TMPRSS13: variants seen among roughly 807,000 people sequenced by gnomAD.
TMPRSS13 encodes transmembrane protease serine 13.
In TMPRSS13, 50 loss-of-function variants were observed where a neutral mutation model predicts 68.4. The observed-to-expected ratio is 0.73, with a 90% confidence interval of 0.58 to 0.93. TMPRSS13 has a LOEUF of 0.93. TMPRSS13 is among the 40% of genes least tolerant of loss of function. The pLI is 0.00. For missense variants in TMPRSS13, 615 were observed against 729.2 expected (o/e 0.84, Z 1.80); for synonymous variants, 267 against 285.8 (o/e 0.93, Z 0.66).
Position 117,914,447 on chromosome 11 carries a change from A to G in TMPRSS13, c.624T>C (p.Ala208=). 2 of 1,614,072 alleles carry G rather than the reference A, an allele frequency of 1.2e-6. No individual in the cohort carries two copies. Among genetic ancestry groups the G allele is most frequent in the Non-Finnish European group, 1.7e-6 (2 of 1,180,006 alleles). The change falls in exon 4 of 13, where the codon GCT becomes GCC. Residue 208 remains alanine (A), a synonymous_variant. Transcript: ENST00000524993. The surrounding 1 kb of genome is among the most constrained non-coding windows in gnomAD (Gnocchi z 4.2). The part of the protein sequence containing the change: ...KEQRESCPKH[A]VRCDGVVDCK... ...AGTCCACCACCCCGTCACAGCGAAC[A>G]GCGTGCTTGGGACAGCTCTCCCTCT... is the stretch of plus-strand genomic sequence containing the variant.
In TMPRSS13 at chr11:117,901,240, ATC is replaced by A. The variant is rs1303288376; in HGVS notation, c.*997_*998del. ...CCCTGGGAGCCTACGCGGGAACAGCATCTGTTTCTTAACGCCTTCGTCAGAGC... is the reference window on the plus strand; with the variant it reads ...CCCTGGGAGCCTACGCGGGAACAGCATGTTTCTTAACGCCTTCGTCAGAGC... On this transcript the variant is annotated 3_prime_UTR_variant, in exon 13 of 13. Coordinates refer to ENST00000524993, the MANE Select transcript of TMPRSS13 (RefSeq NM_001077263.3). The A allele has an allele frequency of 6.6e-6, 1 of 152,652 alleles. No homozygotes were observed. The highest frequency in any genetic ancestry group is 1.5e-5 in the Non-Finnish European group (1 of 68,038). The allele number at this position is 152,652 out of a possible 1,614,324, so 9.5% of individuals were successfully genotyped here. A position where few individuals can be genotyped will look rare whatever the true frequency, so the allele number is the denominator to read the frequency against.
At chr11:117,904,196 A>G in intron 10 of TMPRSS13, 95 bp from the exon 11 acceptor site, 1 of 1,475,904 alleles carries the variant, frequency 6.8e-7, no homozygotes, top group Non-Finnish European at 9.1e-7. Flanking sequence ...AAGACCCAGA[A>G]TCACAGCCTC....
In TMPRSS13 at chr11:117,914,725, G is replaced by C. The variant is rs1204992821; in HGVS notation, c.557-211C>G. On this transcript the variant is annotated intron_variant, in intron 3 of 12. Coordinates refer to ENST00000524993, the MANE Select transcript of TMPRSS13 (RefSeq NM_001077263.3). This position sits in a 1 kb window ranked among gnomAD's most constrained non-coding sequence, Gnocchi z 4.2. ...CCTGCAAGCAGGGCAGCACCAGGCAGATTCAAGCAGCCAGCCACCCAGAAA... is the reference window on the plus strand; with the variant it reads ...CCTGCAAGCAGGGCAGCACCAGGCACATTCAAGCAGCCAGCCACCCAGAAA... 2.0e-5 allele frequency among the ~76,000 whole-genome samples: 3 copies of C among 152,158 alleles called. No homozygotes were observed. Among genetic ancestry groups the C allele is most frequent in the Non-Finnish European group, 2.9e-5 (2 of 68,034 alleles).
Position 117,917,289 on chromosome 11 carries a change from G to A in TMPRSS13, c.452-15C>T, listed in dbSNP as rs773682957. ...CAGGCTCGTACCTAGGAGCAGGGCGGCAGCAGGGGAATATGAGGCTGGAGA... is the reference window on the plus strand; with the variant it reads ...CAGGCTCGTACCTAGGAGCAGGGCGACAGCAGGGGAATATGAGGCTGGAGA... On this transcript the variant is annotated splice_polypyrimidine_tract_variant and intron_variant, in intron 2 of 12. Coordinates refer to ENST00000524993, the MANE Select transcript of TMPRSS13 (RefSeq NM_001077263.3). 3.7e-6 allele frequency: 6 copies of A among 1,601,944 alleles called. No individual in the cohort carries two copies. Among genetic ancestry groups the A allele is most frequent in the South Asian group, 3.3e-5 (3 of 90,368 alleles).
intron 3 of TMPRSS13, 30 bp downstream of exon 3, chr11:117,917,140 A>G: frequency 6.3e-7 from 1 of 1,590,046 alleles, no homozygotes; most frequent in Admixed American, 1.7e-5. Flanking sequence ...AGTGCCCAGA[A>G]CCCACCCCTG....
In TMPRSS13 at chr11:117,914,529, G is replaced by A. The variant is rs2057556086; in HGVS notation, c.557-15C>T. On this transcript the variant is annotated splice_polypyrimidine_tract_variant and intron_variant, in intron 3 of 12. Coordinates refer to ENST00000524993, the MANE Select transcript of TMPRSS13 (RefSeq NM_001077263.3). This position sits in a 1 kb window ranked among gnomAD's most constrained non-coding sequence, Gnocchi z 4.2. The stretch of plus-strand genomic sequence containing the variant: ...CCAGAACTGGACTAGAGAAAAAGAA[G>A]CAGACAGCTGGGTCATGGCCAGCCC... 6.8e-6 allele frequency: 11 copies of A among 1,613,518 alleles called. No homozygotes were observed. In the Middle Eastern group the frequency reaches 6.6e-4, roughly 97 times the overall value.
At chr11:117,925,452 C>T (rs1264056533) in intron 1 of TMPRSS13, among the ~76,000 whole-genome samples, 2 of 152,222 alleles carry the variant, frequency 1.3e-5, no homozygotes, top group African/African-American at 2.4e-5. Flanking sequence ...ACATGGAGTG[C>T]CCACTATTGC....
At chr11:117,905,501 C>A in intron 10 of TMPRSS13, 137 bp downstream of exon 10, 3 of 621,742 alleles carry the variant, frequency 4.8e-6, no homozygotes, top group South Asian at 1.9e-5. Context: ...CACACCCAGG[C>A]CCATGAATCC....
intron 10 of TMPRSS13, among the ~76,000 whole-genome samples, chr11:117,904,415 C>A (rs73020492): frequency 0.14 from 21,668 of 152,194 alleles, 1,721 homozygotes; most frequent in African/African-American, 0.2. Flanking sequence ...TTCAAAGCAC[C>A]CTCAGATACA....
chr11:117,921,774 G>T (rs1018815412), intron 1 of TMPRSS13, among the ~76,000 whole-genome samples: 6 of 152,174 alleles, frequency 3.9e-5, no homozygotes, highest in Non-Finnish European at 5.9e-5. Flanking sequence ...GTGGAAAGTG[G>T]CTGGACCCCA....
chr11:117,904,207 C>G, intron 10 of TMPRSS13, 106 bp from the exon 11 acceptor site: 2 of 1,445,812 alleles, frequency 1.4e-6, no homozygotes, highest in Non-Finnish European at 1.9e-6. Flanking sequence ...TCACAGCCTC[C>G]TGGGAATGGA....
At chr11:117,909,654 T>A in intron 8 of TMPRSS13, 152 bp downstream of exon 8, 1 of 913,896 alleles carries the variant, frequency 1.1e-6, no homozygotes, top group Non-Finnish European at 1.6e-6. Flanking sequence ...CAGGACCAGG[T>A]GAACACCCAA....
Position 117,913,862 on chromosome 11 carries a change from AC to A in TMPRSS13, c.723del (p.Ser242ProfsTer48). 6.2e-7 allele frequency: 1 copy of A among 1,613,976 alleles called. No individual in the cohort carries two copies. Among genetic ancestry groups the A allele is most frequent in the South Asian group, 1.1e-5 (1 of 91,070 alleles). ...WDKSLLKIYSGSSHQWLPICS... is the reference protein window; with the variant it reads ...WDKSLLKIYSXSSHQWLPICS... ...CAGATGGGAAGCCACTGATGGGAGG[AC>A]CCAGAGTAGATTTTAAGCAGAGACT... On this transcript the variant is annotated frameshift_variant, in exon 5 of 13. Coordinates refer to ENST00000524993, the MANE Select transcript of TMPRSS13 (RefSeq NM_001077263.3). LOFTEE classifies it high-confidence loss of function.
At position 117,929,298 on chromosome 11, in the gene TMPRSS13, C is replaced by T; in HGVS notation, c.10G>A (p.Asp4Asn). Reference protein sequence around the residue: MERDSHGNASPART... With the variant: MERNSHGNASPART... ...GAGGTCACACTCACCCCGTGGCTGT[C>T]CCTCTCCATGGTCTCTGAGGGGAAG... Residue 4 changes from aspartate (D) to asparagine (N), a missense_variant, in exon 1 of 13, where the codon GAC becomes AAC. Asp to Asn is a conservative substitution (Grantham distance 23, BLOSUM62 1). Coordinates refer to ENST00000524993, the MANE Select transcript of TMPRSS13 (RefSeq NM_001077263.3). 1.9e-6 allele frequency: 3 copies of T among 1,605,994 alleles called. No individual in the cohort carries two copies. The highest frequency in any genetic ancestry group is 2.5e-6 in the Non-Finnish European group (3 of 1,176,658).
intron 2 of TMPRSS13, 123 bp from the exon 3 acceptor site, chr11:117,917,397 T>C (rs1166811783): frequency 1.5e-6 from 1 of 666,952 alleles, no homozygotes; most frequent in African/African-American, 1.8e-5. Flanking sequence ...CCCCAGAAGT[T>C]GGAATGAGAT....
At chr11:117,927,803 A>T (rs548438874) in intron 1 of TMPRSS13, among the ~76,000 whole-genome samples, 1 of 152,360 alleles carries the variant, frequency 6.6e-6, no homozygotes, top group African/African-American at 2.4e-5. Flanking sequence ...ATAAGAATGT[A>T]ATGATTCCAT....
chr11:117,926,007 C>T (rs7107023), intron 1 of TMPRSS13, among the ~76,000 whole-genome samples: 24,469 of 146,754 alleles, frequency 0.17, 2,695 homozygotes, highest in African/African-American at 0.33. Flanking sequence ...TGCAGGGGCA[C>T]AGGGCAGGTA....
At chr11:117,903,466 G>T (rs1474741817) in intron 12 of TMPRSS13, 189 bp downstream of exon 12, 15 of 1,538,448 alleles carry the variant, frequency 9.8e-6, no homozygotes, top group Non-Finnish European at 1.2e-5. Flanking sequence ...TCTGAGGGAA[G>T]AAAAGCAGGG....
rs772644178 is a variant in TMPRSS13 at position 117,918,794 on chromosome 11, G to C, written c.66C>G (p.Ala22=). 1.9e-6 allele frequency: 3 copies of C among 1,613,624 alleles called. No homozygotes were observed. ...GAGGTGTCCCAGCTGGAGATGCCTG[G>C]GCTGGAGATGCTCCAGCTGAAGGTG... ...ARTPSAGASP[A]QASPAGTPPG... The change falls in exon 2 of 13, where the codon GCC becomes GCG. Residue 22 remains alanine, a synonymous_variant. Coordinates refer to ENST00000524993, the MANE Select transcript of TMPRSS13 (RefSeq NM_001077263.3).
Sources: allele counts gnomAD v4.1 joint callset (sites outside exome capture counted in the v4.1 genomes callset), GRCh38; gene constraint gnomAD v4.1.1; non-coding constraint Gnocchi (gnomAD v3.1); transcripts MANE v1.5; gene names NCBI Gene and HGNC (gene_info 2026-07-23, HGNC 2026-07-21).